Variants in WNK3 observed in about 807,000 individuals in gnomAD.
The protein encoded by WNK3 is serine/threonine-protein kinase WNK3.
A neutral mutation model predicts 116.7 loss-of-function variants in WNK3; 18 were observed. The ratio of observed to expected loss-of-function variants is 0.15; its 90% confidence interval spans 0.11 to 0.23. The LOEUF (loss-of-function observed/expected upper bound fraction) is 0.23. WNK3 is among the 10% of genes least tolerant of loss of function. The probability of loss-of-function intolerance (pLI) is 1.00; values close to 1 mark genes in which losing one functional copy is unlikely to be tolerated. For synonymous variants in WNK3, 404 were observed against 469.4 expected, an observed-to-expected ratio of 0.86 and a Z score of 1.80; for missense variants, 993 against 1,323.8, an observed-to-expected ratio of 0.75 and a Z score of 3.88.
chrX:54,212,708 G>A (rs1420441399), intron 22 of WNK3, among the ~76,000 whole-genome samples: 2 of 112,160 alleles, frequency 1.8e-5, no homozygotes, highest in East Asian at 2.8e-4. Flanking sequence ...CTGGAGGATG[G>A]TGGGAGCCAG....
At chrX:54,297,470 G>A (rs1344285430) in intron 7 of WNK3, among the ~76,000 whole-genome samples, 2 of 108,853 alleles carry the variant, frequency 1.8e-5, no homozygotes, top group Non-Finnish European at 3.8e-5. Context: ...CCAGCAACTC[G>A]GGAGGCTGAG....
chrX:54,259,768 A>G (rs1557156331), intron 10 of WNK3, among the ~76,000 whole-genome samples: 1 of 111,414 alleles, frequency 9.0e-6, no homozygotes, highest in Non-Finnish European at 1.9e-5. Flanking sequence ...TCTCTAGACT[A>G]TTTCAACTAT....
At chrX:54,275,013 A>T (rs1557160333) in intron 10 of WNK3, among the ~76,000 whole-genome samples, 1 of 64,268 alleles carries the variant, frequency 1.6e-5, no homozygotes, top group Admixed American at 1.5e-4. Context: ...CCTGTCACAT[A>T]AAAAAAAAAA....
chrX:54,292,915 T>C, exon 10 of WNK3: 1 of 1,210,627 alleles, frequency 8.3e-7, no homozygotes, highest in Non-Finnish European at 1.1e-6. Flanking sequence ...TCTGAACAGT[T>C]AATGGGGAAA....
At chrX:54,307,789 T>G (rs782348694) in intron 5 of WNK3, 133 bp downstream of exon 5, 1 of 498,538 alleles carries the variant, frequency 2.0e-6, no homozygotes, top group Admixed American at 3.9e-5. Context: ...CTAAGGCTTG[T>G]TGCATTACAA....
At chrX:54,358,350 C>T (rs1405574101), upstream of WNK3, among the ~76,000 whole-genome samples, 2 of 43,369 alleles carry the variant, frequency 4.6e-5, no homozygotes, top group African/African-American at 8.7e-5. Context: ...ACCCTCTCCC[C>T]TCAGAGAAGA....
chrX:54,315,982 C>T (rs781845097), intron 2 of WNK3, among the ~76,000 whole-genome samples: 2 of 111,195 alleles, frequency 1.8e-5, no homozygotes, highest in South Asian at 3.9e-4. Context: ...TAAAAATGAC[C>T]CCGTCTACCC....
At chrX:54,243,648 A>G (rs1439378602) in intron 17 of WNK3, among the ~76,000 whole-genome samples, 1 of 111,445 alleles carries the variant, frequency 9.0e-6, no homozygotes, top group Non-Finnish European at 1.9e-5. Context: ...TGATCAAAAA[A>G]TTGGAAAACA....
At chrX:54,337,289 C>T (rs2069251962) in intron 1 of WNK3, among the ~76,000 whole-genome samples, 1 of 110,878 alleles carries the variant, frequency 9.0e-6, no homozygotes, top group African/African-American at 3.3e-5. Context: ...TGGCTGGGTG[C>T]GGTGGCTCAC....
At chrX:54,317,228 C>T (rs188064044) in intron 2 of WNK3, among the ~76,000 whole-genome samples, 55 of 107,782 alleles carry the variant, frequency 5.1e-4, no homozygotes, top group African/African-American at 7.5e-4. Context: ...GGCACAATCT[C>T]GGCTCACTGC....
At chrX:54,294,637 C>T (rs2068676720) in exon 8 of WNK3, 2 of 1,207,916 alleles carry the variant, frequency 1.7e-6, no homozygotes, top group Non-Finnish European at 2.2e-6. Flanking sequence ...TCTTCACATT[C>T]AGCCCCAGTT....
chrX:54,349,339 A>AAAAC (rs371205980), intron 1 of WNK3, among the ~76,000 whole-genome samples: 98 of 112,103 alleles, frequency 8.7e-4, no homozygotes, highest in African/African-American at 1.5e-3. Flanking sequence ...CTCCATCTCA[A>AAAAC]AAACAAACAA....
intron 22 of WNK3, among the ~76,000 whole-genome samples, chrX:54,225,906 T>C (rs1557147666): frequency 1.8e-5 from 2 of 109,029 alleles, no homozygotes; most frequent in East Asian, 2.9e-4. Flanking sequence ...TGATAAACTA[T>C]AGGAATCAAG....
At chrX:54,213,553 C>CAAAAAAAAAAAAAAAAAAAAA (rs782580375) in intron 22 of WNK3, among the ~76,000 whole-genome samples, 13 of 14,251 alleles carry the variant, frequency 9.1e-4, no homozygotes, top group Non-Finnish European at 1.1e-3. Flanking sequence ...GACTCCGTCT[C>CAAAAAAAAAAAAAAAAAAAAA]AAAAAAAAAA....
chrX:54,298,372 T>TTAA, exon 7 of WNK3: 3 of 1,207,100 alleles, frequency 2.5e-6, no homozygotes, highest in Non-Finnish European at 3.4e-6. Flanking sequence ...AATGCATGGT[T>TTAA]TAATAGGTCC....
intron 22 of WNK3, among the ~76,000 whole-genome samples, chrX:54,203,003 TC>T (rs2067517577): frequency 9.0e-6 from 1 of 111,385 alleles, no homozygotes; most frequent in Non-Finnish European, 1.9e-5. Context: ...ACAAAGACAC[TC>T]TATCTTTTCA....
At chrX:54,304,287 T>C (rs782018686) in intron 5 of WNK3, among the ~76,000 whole-genome samples, 22 of 110,758 alleles carry the variant, frequency 2.0e-4, no homozygotes, top group Non-Finnish European at 4.0e-4. Flanking sequence ...CCTAGTACTT[T>C]AAGAGGCCAA....
chrX:54,251,757 T>C (rs1372042996), intron 13 of WNK3, 70 bp from the exon 14 acceptor site: 1 of 1,039,530 alleles, frequency 9.6e-7, no homozygotes, highest in African/African-American at 1.9e-5. Context: ...ATATAAATAG[T>C]GACTATCACA....
At chrX:54,313,809 C>A (rs1170073793) in intron 2 of WNK3, among the ~76,000 whole-genome samples, 1 of 111,954 alleles carries the variant, frequency 8.9e-6, no homozygotes, top group Non-Finnish European at 1.9e-5. Context: ...GTTTTTGATA[C>A]ATCTTCGTAA....
Sources: allele counts gnomAD v4.1 joint callset (sites outside exome capture counted in the v4.1 genomes callset), GRCh38; gene constraint gnomAD v4.1.1; transcripts MANE v1.5; gene names NCBI Gene and HGNC (gene_info 2026-07-23, HGNC 2026-07-21).